DCLK1: variants seen among roughly 807,000 people sequenced by gnomAD.
The protein encoded by DCLK1 is serine/threonine-protein kinase DCLK1.
Under a neutral mutation model 86.2 loss-of-function variants are expected in DCLK1, and 16 were observed. The ratio of observed to expected loss-of-function variants is 0.19; its 90% CI spans 0.13 to 0.28. DCLK1 has a LOEUF of 0.28. Among genes scored for constraint, DCLK1 ranks in the 10% least tolerant of loss-of-function variants. DCLK1 has a pLI of 1.00. For missense variants in DCLK1, 590 were observed against 940.2 expected (o/e 0.63, Z 4.87); for synonymous variants, 369 against 370.5 (o/e 1.00, Z 0.05).
intron 4 of DCLK1, among the ~76,000 whole-genome samples, chr13:35,887,442 A>G (rs1345893907): frequency 6.6e-6 from 1 of 152,082 alleles, no homozygotes; most frequent in African/African-American, 2.4e-5. Context: ...TGTTCTCTGG[A>G]TTTCTGGCTG....
chr13:36,033,691 C>A (rs1882375553), intron 3 of DCLK1, among the ~76,000 whole-genome samples: 1 of 152,098 alleles, frequency 6.6e-6, no homozygotes, highest in South Asian at 2.1e-4. Context: ...TTTGGGAGGC[C>A]AAGGTGGGCG....
At chr13:36,100,777 C>T (rs550174614) in intron 3 of DCLK1, among the ~76,000 whole-genome samples, 10 of 152,236 alleles carry the variant, frequency 6.6e-5, no homozygotes, top group Admixed American at 2.0e-4. Flanking sequence ...CTTAACCTCC[C>T]AGGCTGTGTT....
chr13:35,841,187 GAATACAA>G (rs893655350), intron 6 of DCLK1, among the ~76,000 whole-genome samples: 1 of 152,126 alleles, frequency 6.6e-6, no homozygotes, highest in African/African-American at 2.4e-5. Flanking sequence ...TTTAAATTTA[GAATACAA>G]AGACACATTC....
At chr13:35,824,377 G>C (rs527993181) in intron 10 of DCLK1, among the ~76,000 whole-genome samples, 1 of 152,102 alleles carries the variant, frequency 6.6e-6, no homozygotes, top group African/African-American at 2.4e-5. Flanking sequence ...ATGAGGCTTC[G>C]CTTTGTTGCC....
At chr13:35,962,610 G>T (rs756689979) in intron 3 of DCLK1, among the ~76,000 whole-genome samples, 26 of 152,118 alleles carry the variant, frequency 1.7e-4, no homozygotes, top group Non-Finnish European at 3.1e-4. Flanking sequence ...TACAGGTGTG[G>T]TTTTTTCATG....
intron 4 of DCLK1, among the ~76,000 whole-genome samples, chr13:35,940,404 A>G (rs1451676056): frequency 6.6e-6 from 1 of 152,200 alleles, no homozygotes; most frequent in Non-Finnish European, 1.5e-5. Flanking sequence ...AGCTTATTGA[A>G]TAAATGACTG....
At position 35,907,428 on chromosome 13, in the gene DCLK1, G is replaced by A. The variant is rs1021123860; in HGVS notation, c.824-36088C>T. ...TCCTCTCACCTTAGCCTTCCAAAGC[G>A]CTAGGATTACAGGCCTAAGCCACTG... On this transcript the variant is annotated intron_variant, in intron 4 of 16. Transcript: ENST00000360631. Among the ~76,000 whole-genome samples, 5 of 152,002 alleles carry A rather than the reference G, an allele frequency of 3.3e-5. No individual in the cohort carries two copies. In the East Asian group the frequency reaches 5.8e-4, roughly 18 times the overall value.
chr13:35,838,066 A>AAAAAAAAAAAAAAAG (rs1869521470), intron 7 of DCLK1, among the ~76,000 whole-genome samples: 1 of 118,192 alleles, frequency 8.5e-6, no homozygotes, highest in African/African-American at 3.2e-5. Context: ...ACTCCATCTC[A>AAAAAAAAAAAAAAAG]AAAAAAAAAA....
At chr13:35,847,530 A>G (rs1204621717) in intron 6 of DCLK1, 2 of 984,710 alleles carry the variant, frequency 2.0e-6, no homozygotes, top group Admixed American at 6.2e-5. Context: ...TCCAAGAATT[A>G]AAATATGTGG....
chr13:35,893,354 C>T (rs546180246), intron 4 of DCLK1, among the ~76,000 whole-genome samples: 10 of 152,256 alleles, frequency 6.6e-5, no homozygotes, highest in East Asian at 5.8e-4. Flanking sequence ...AAGAATAAAA[C>T]CCCGTTTCTA....
chr13:36,000,619 A>G (rs1350970984), intron 3 of DCLK1, among the ~76,000 whole-genome samples: 1 of 152,160 alleles, frequency 6.6e-6, no homozygotes, highest in Admixed American at 6.5e-5. Context: ...CCTAACTTCA[A>G]AGTATTTGAA....
intron 4 of DCLK1, among the ~76,000 whole-genome samples, chr13:35,874,794 C>T (rs928746629): frequency 1.3e-5 from 2 of 152,178 alleles, no homozygotes; most frequent in East Asian, 1.9e-4. Flanking sequence ...AGCTTTGGAA[C>T]GTGCCAAGGA....
intron 3 of DCLK1, among the ~76,000 whole-genome samples, chr13:35,974,920 G>A (rs1157226091): frequency 6.6e-6 from 1 of 152,152 alleles, no homozygotes; most frequent in Non-Finnish European, 1.5e-5. Flanking sequence ...TGTTATGGAG[G>A]CCCTAGAAAA....
chr13:36,090,480 A>G (rs533150973), intron 3 of DCLK1, among the ~76,000 whole-genome samples: 10 of 152,266 alleles, frequency 6.6e-5, no homozygotes, highest in Middle Eastern at 3.4e-3. Context: ...GCAAGAAGTG[A>G]GGCTGGAAAG....
intron 11 of DCLK1, among the ~76,000 whole-genome samples, chr13:35,816,583 C>T (rs919317418): frequency 3.3e-5 from 5 of 152,140 alleles, no homozygotes; most frequent in Non-Finnish European, 7.4e-5. Flanking sequence ...ATTAATTTAG[C>T]ACTCTTACTC....
At chr13:35,915,232 C>T (rs1875336974) in intron 4 of DCLK1, among the ~76,000 whole-genome samples, 1 of 152,194 alleles carries the variant, frequency 6.6e-6, no homozygotes, top group Admixed American at 6.5e-5. Flanking sequence ...GTCACAGAAA[C>T]TCAATAGTTC....
intron 3 of DCLK1, among the ~76,000 whole-genome samples, chr13:36,019,442 A>G (rs866171086): frequency 3.3e-5 from 5 of 152,196 alleles, no homozygotes; most frequent in African/African-American, 1.2e-4. Context: ...GAGTCTTATC[A>G]AAAGTATTGT....
chr13:35,804,991 G>A (rs76788786), intron 15 of DCLK1, among the ~76,000 whole-genome samples: 3,928 of 152,278 alleles, frequency 0.026, 59 homozygotes, highest in African/African-American at 0.043. Context: ...GAGAAGTGCT[G>A]AAATGGAGTA....
intron 3 of DCLK1, among the ~76,000 whole-genome samples, chr13:36,003,924 A>T (rs1170476337): frequency 3.9e-5 from 6 of 152,230 alleles, no homozygotes; most frequent in African/African-American, 1.4e-4. Context: ...AAGTTTTCTT[A>T]TTAAAGAAAG....
Sources: allele counts gnomAD v4.1 joint callset (sites outside exome capture counted in the v4.1 genomes callset), GRCh38; gene constraint gnomAD v4.1.1; transcripts MANE v1.5; gene names NCBI Gene and HGNC (gene_info 2026-07-23, HGNC 2026-07-21).